The following SEMA4G variants were observed in gnomAD, a reference collection of about 807,000 sequenced individuals.
SEMA4G encodes the protein semaphorin-4G.
SEMA4G carries 59 observed loss-of-function variants against 81.2 expected under a neutral mutation model. The observed-to-expected ratio is 0.73, with a 90% CI of 0.59 to 0.90. SEMA4G has a LOEUF of 0.90. Among genes scored for constraint, SEMA4G ranks in the 40% least tolerant of loss-of-function variants. The pLI, the probability that SEMA4G is intolerant of heterozygous loss-of-function variation, is 0.00. For synonymous variants in SEMA4G, 404 were observed against 433.9 expected, an observed-to-expected ratio of 0.93 and a Z score of 0.86; for missense variants, 952 against 1,102.3, an observed-to-expected ratio of 0.86 and a Z score of 1.93.
upstream of SEMA4G, among the ~76,000 whole-genome samples, chr10:100,970,848 A>G (rs1031828322): frequency 3.1e-4 from 47 of 152,198 alleles, no homozygotes; most frequent in African/African-American, 1.1e-3. Flanking sequence ...ATGTCCCTAC[A>G]CATACATGTG....
chr10:100,972,201 CATT>C (rs1239656777), upstream of SEMA4G, among the ~76,000 whole-genome samples: 2 of 152,170 alleles, frequency 1.3e-5, no homozygotes, highest in African/African-American at 2.4e-5. Flanking sequence ...AGTTGCATCT[CATT>C]GTTGGGAGAA....
exon 14 of SEMA4G, chr10:100,984,351 C>T: frequency 6.9e-7 from 1 of 1,443,902 alleles, no homozygotes; most frequent in South Asian, 1.5e-5. Context: ...ATCGGTGCTC[C>T]TCAGAGGTAG....
Position 100,973,746 on chromosome 10 carries a change from T to C in SEMA4G, c.336+137T>C, listed in dbSNP as rs1027695818. ...GCAACCACAGTAAACATTGTAAGTA[T>C]TGCCAGAGTGGCAAGCCATGGGCAC... On this transcript the variant is annotated intron_variant, in intron 3 of 13. Transcript: ENST00000370250. This position sits in a 1 kb window ranked among gnomAD's most constrained non-coding sequence, Gnocchi z 5.5. The C allele has an allele frequency of 5.1e-6, 4 of 786,504 alleles. No individual in the cohort carries two copies. The South Asian group carries it at 5.5e-5, about 11-fold the overall frequency. 48.7% of individuals were successfully genotyped at this position (786,504 alleles called of 1,614,324 possible). A position where few individuals can be genotyped will look rare whatever the true frequency, so the allele number is the denominator to read the frequency against.
chr10:100,983,872 G>A (rs1201126917), exon 14 of SEMA4G: 2 of 1,565,296 alleles, frequency 1.3e-6, no homozygotes, highest in African/African-American at 1.4e-5. Context: ...GAGGGCAGCT[G>A]TCTCCAGATC....
upstream of SEMA4G, among the ~76,000 whole-genome samples, chr10:100,970,203 C>T (rs1850591077): frequency 1.3e-5 from 2 of 152,018 alleles, no homozygotes; most frequent in South Asian, 4.1e-4. Flanking sequence ...TGGGGAAGAA[C>T]CCGAACTGTG....
chr10:100,983,273 G>A (rs915207295), intron 13 of SEMA4G, 32 bp from the exon 15 acceptor site: 2 of 1,492,658 alleles, frequency 1.3e-6, no homozygotes, highest in Non-Finnish European at 1.8e-6. Flanking sequence ...CCTGGGACGG[G>A]CTGGTACTGA....
At chr10:100,971,101 G>A (rs1365757333), upstream of SEMA4G, among the ~76,000 whole-genome samples, 2 of 139,678 alleles carry the variant, frequency 1.4e-5, no homozygotes, top group Non-Finnish European at 3.1e-5. Flanking sequence ...CGTGTTCACA[G>A]TCCTCCTTGT....
chr10:100,982,787 G>A (rs1053814690), intron 13 of SEMA4G, among the ~76,000 whole-genome samples: 1 of 152,116 alleles, frequency 6.6e-6, no homozygotes, highest in East Asian at 1.9e-4. Context: ...ATGAGACTCC[G>A]TCTCAAAAAA....
At chr10:100,979,398 T>G in intron 8 of SEMA4G, 127 bp downstream of exon 9, 1 of 1,578,506 alleles carries the variant, frequency 6.3e-7, no homozygotes, top group East Asian at 2.2e-5. Context: ...TTTTTTTTTT[T>G]TTTAAGAGGG....
chr10:100,971,082 G>A (rs1564791167), upstream of SEMA4G, among the ~76,000 whole-genome samples: 3 of 151,712 alleles, frequency 2.0e-5, no homozygotes, highest in African/African-American at 4.8e-5. Flanking sequence ...AATGACCCCT[G>A]TGAATCCACG....
intron 6 of SEMA4G, 42 bp from the exon 8 acceptor site, chr10:100,978,807 C>A: frequency 6.2e-7 from 1 of 1,602,904 alleles, no homozygotes; most frequent in Non-Finnish European, 8.5e-7. Context: ...GAAAGGAATC[C>A]CCAGCCTGTC....
chr10:100,971,117 TG>T (rs2133853727), upstream of SEMA4G, among the ~76,000 whole-genome samples: 1 of 4,446 alleles, frequency 2.2e-4, no homozygotes, highest in African/African-American at 1.2e-3. Context: ...CTTGTGAACA[TG>T]TGTGTGTGTG....
At position 100,972,917 on chromosome 10, in the gene SEMA4G, G is replaced by A; in HGVS notation, c.5G>A (p.Trp2Ter). Residue 2 changes from tryptophan (W) to a stop codon, truncating the protein, a stop_gained, in exon 1 of 14, where the codon TGG becomes TAG. Transcript: ENST00000370250. LOFTEE classifies it high-confidence loss of function. ...AGTCTGGGCCTCCCCAGGAAGATGT[G>A]GGGGAGGCTCTGGCCCCTCCTCCTC... The A allele has an allele frequency of 5.0e-6, 8 of 1,607,122 alleles. No individual in the cohort carries two copies. Among genetic ancestry groups the A allele is most frequent in the African/African-American group, 2.7e-5 (2 of 74,440 alleles).
At position 100,981,188 on chromosome 10, in the gene SEMA4G, TAG is replaced by T; in HGVS notation, c.1656_1657del (p.Gly553LysfsTer5). 1 of 1,614,186 alleles carries T rather than the reference TAG, an allele frequency of 6.2e-7. No individual in the cohort carries two copies. Among genetic ancestry groups the T allele is most frequent in the Non-Finnish European group, 8.5e-7 (1 of 1,180,012 alleles). ...CCCAGGACAGCACTGATACAGGACA[TAG>T]AGAGAGGAAATCGAGGCTGTGAGAG... On this transcript the variant is annotated frameshift_variant, in exon 13 of 14. Coordinates refer to ENST00000370250, the Ensembl canonical transcript of SEMA4G. LOFTEE classifies it high-confidence loss of function.
chr10:100,983,163 G>A (rs1016528387), intron 13 of SEMA4G, 142 bp from the exon 15 acceptor site: 57 of 1,031,856 alleles, frequency 5.5e-5, no homozygotes, highest in East Asian at 4.2e-4. Context: ...GTGGAAGCAT[G>A]AGCACAGAGC....
chr10:100,978,886 C>G lies in SEMA4G; in HGVS notation c.681C>G (p.Ser227Arg), dbSNP rs907505061. The change falls in exon 7 of 14, where the codon AGC (serine) becomes AGG (arginine). Residue 227 changes from serine (S) to arginine (R), a missense_variant. Around this residue, in one of 3 missense-constraint regions of SEMA4G, gnomAD observed 436 missense variants for 488.2 expected, o/e 0.89. Coordinates refer to ENST00000370250, the Ensembl canonical transcript of SEMA4G. Reference sequence around the variant, plus strand: ...TGTTCTCCGTCCTCGTGCGGGAGAGCAAGGCCAGTGCAGTGGGTGATGATG... The same window carrying G: ...TGTTCTCCGTCCTCGTGCGGGAGAGGAAGGCCAGTGCAGTGGGTGATGATG... 1 of 1,614,190 alleles carries G rather than the reference C, an allele frequency of 6.2e-7. No homozygotes were observed. Among genetic ancestry groups the G allele is most frequent in the East Asian group, 2.2e-5 (1 of 44,884 alleles).
At chr10:100,980,977 C>T (rs912639818) in exon 12 of SEMA4G, 2 of 1,600,360 alleles carry the variant, frequency 1.2e-6, no homozygotes, top group Non-Finnish European at 1.7e-6. Context: ...CCACCATAGC[C>T]AACAGGTCCC....
At chr10:100,984,620 G>C (rs1369013608) in exon 14 of SEMA4G, 3 of 1,536,090 alleles carry the variant, frequency 2.0e-6, no homozygotes, top group East Asian at 2.4e-5. Flanking sequence ...ATGCACACAT[G>C]GAAGAATGTT....
intron 3 of SEMA4G, among the ~76,000 whole-genome samples, chr10:100,974,268 T>G (rs1197636836): frequency 6.6e-6 from 1 of 151,532 alleles, no homozygotes; most frequent in Admixed American, 6.6e-5. Context: ...GAGTTCAAGA[T>G]CAGCCTTGGC....
Sources: gnomAD v4.1 joint callset for allele counts (sites outside exome capture counted in the v4.1 genomes callset) on GRCh38, gnomAD v4.1.1 for gene constraint, gnomAD v4.1.1 regional missense constraint, Gnocchi (gnomAD v3.1) non-coding constraint, MANE v1.5 for transcripts, NCBI Gene and HGNC (gene_info 2026-07-23, HGNC 2026-07-21) for gene names.